The following FOXP1 variants were observed in gnomAD, a reference collection of about 807,000 sequenced individuals.
FOXP1 encodes forkhead box P1.
Under a neutral mutation model 98.2 loss-of-function variants are expected in FOXP1, and 15 were observed. The ratio of observed to expected loss-of-function variants is 0.15; its 90% CI spans 0.10 to 0.24. The LOEUF (loss-of-function observed/expected upper bound fraction) is 0.24. FOXP1 is among the 10% of genes least tolerant of loss of function. The pLI, the probability that FOXP1 is intolerant of heterozygous loss-of-function variation, is 1.00. For synonymous variants in FOXP1, 371 were observed against 314.5 expected (o/e 1.18, Z -1.90); for missense variants, 633 against 848.5 (o/e 0.75, Z 3.15).
rs374605605 is a variant in FOXP1 at position 71,445,047 on chromosome 3, GC to G, written c.-168+48378del. Among the ~76,000 whole-genome samples, 162 of 152,278 alleles carry G rather than the reference GC, an allele frequency of 1.1e-3. 3 individuals are homozygous for G. The East Asian group carries it at 0.018, about 17-fold the overall frequency. ...ATCTTTCATTTCAATAACAGCAATA[GC>G]AAGTACTTCTGGAGTGCAGACCACG... On this transcript the variant is annotated intron_variant, in intron 3 of 20. Coordinates refer to ENST00000649528, the MANE Select transcript of FOXP1 (RefSeq NM_001349338.3).
intron 7 of FOXP1, among the ~76,000 whole-genome samples, chr3:71,059,738 T>G (rs1003942558): frequency 6.6e-6 from 1 of 152,114 alleles, no homozygotes; most frequent in Non-Finnish European, 1.5e-5. Context: ...AAAAATCATG[T>G]TTAAGTGCTG....
rs571628164 is a variant in FOXP1, at chr3:71,060,512, G to A, written c.283-6739C>T. Among the ~76,000 whole-genome samples, 21 of 152,164 alleles carry A rather than the reference G, an allele frequency of 1.4e-4. No individual in the cohort carries two copies. The South Asian group carries it at 2.7e-3, about 20-fold the overall frequency. The stretch of plus-strand genomic sequence containing the variant: ...GCAAATGGGAAACCCGTGCAGACCC[G>A]CCTCATGAAGTGGTGTGACAATTAG... On this transcript the variant is annotated intron_variant, in intron 7 of 20. Coordinates refer to ENST00000649528, the MANE Select transcript of FOXP1 (RefSeq NM_001349338.3).
At chr3:71,321,620 C>CT (rs2075395982) in intron 4 of FOXP1, among the ~76,000 whole-genome samples, 1 of 151,398 alleles carries the variant, frequency 6.6e-6, no homozygotes, top group Admixed American at 6.6e-5. Flanking sequence ...ATTTTTCTTT[C>CT]TTTTTTCTTT....
intron 3 of FOXP1, among the ~76,000 whole-genome samples, chr3:71,480,740 A>G (rs906423691): frequency 3.9e-5 from 6 of 152,174 alleles, no homozygotes. Flanking sequence ...TGTCAAGTAG[A>G]AGAGATGGGT....
At chr3:71,088,171 T>C (rs2107579569) in intron 7 of FOXP1, among the ~76,000 whole-genome samples, 1 of 152,304 alleles carries the variant, frequency 6.6e-6, no homozygotes, top group Non-Finnish European at 1.5e-5. Context: ...GATTGGGGGC[T>C]CTTAAACTTG....
At chr3:71,564,172 G>A (rs2046742973) in intron 2 of FOXP1, among the ~76,000 whole-genome samples, 1 of 152,146 alleles carries the variant, frequency 6.6e-6, no homozygotes, top group Admixed American at 6.5e-5. Flanking sequence ...CCAAAACACA[G>A]CAATAAGGTA....
At chr3:70,984,833 C>A (rs1389295016) in intron 14 of FOXP1, among the ~76,000 whole-genome samples, 1 of 152,180 alleles carries the variant, frequency 6.6e-6, no homozygotes, top group African/African-American at 2.4e-5. Flanking sequence ...AAAACTTGGG[C>A]ACCTTCCCGA....
chr3:71,382,306 G>T (rs1442148213), intron 3 of FOXP1, among the ~76,000 whole-genome samples: 1 of 152,020 alleles, frequency 6.6e-6, no homozygotes, highest in East Asian at 1.9e-4. Flanking sequence ...AAAAAAAACA[G>T]GTCAATGAAA....
intron 6 of FOXP1, among the ~76,000 whole-genome samples, chr3:71,157,757 G>T (rs1257716596): frequency 1.3e-5 from 2 of 152,104 alleles, no homozygotes; most frequent in Non-Finnish European, 2.9e-5. Context: ...TAAGAAGCTA[G>T]TCAAGGTGCC....
chr3:71,392,793 T>A (rs1198597597), intron 3 of FOXP1, among the ~76,000 whole-genome samples: 4 of 152,294 alleles, frequency 2.6e-5, no homozygotes, highest in Admixed American at 1.3e-4. Flanking sequence ...CACGCTAACC[T>A]AAGTGGTATT....
intron 3 of FOXP1, among the ~76,000 whole-genome samples, chr3:71,384,488 A>T (rs2080420060): frequency 6.6e-6 from 1 of 152,218 alleles, no homozygotes; most frequent in South Asian, 2.1e-4. Flanking sequence ...ACAGGGTATA[A>T]GATAAAAGTT....
At chr3:71,195,998 A>G (rs1254716575) in intron 6 of FOXP1, among the ~76,000 whole-genome samples, 1 of 152,182 alleles carries the variant, frequency 6.6e-6, no homozygotes, top group Non-Finnish European at 1.5e-5. Flanking sequence ...TAAAAGCCTT[A>G]TCATATACTT....
chr3:71,582,050 C>T (rs552811651), intron 1 of FOXP1: 634 of 981,920 alleles, frequency 6.5e-4, no homozygotes, highest in Non-Finnish European at 7.4e-4. Flanking sequence ...AGTCCTTATT[C>T]TCACAGGGGG....
At chr3:71,066,950 TAGAG>T (rs1216865041) in intron 7 of FOXP1, among the ~76,000 whole-genome samples, 3 of 152,038 alleles carry the variant, frequency 2.0e-5, no homozygotes, top group Non-Finnish European at 4.4e-5. Flanking sequence ...ACAAAATAAT[TAGAG>T]AGTGATGCAA....
At chr3:71,115,150 G>C (rs1448204330) in intron 6 of FOXP1, among the ~76,000 whole-genome samples, 1 of 151,998 alleles carries the variant, frequency 6.6e-6, no homozygotes, top group Non-Finnish European at 1.5e-5. Flanking sequence ...AGGGACTATA[G>C]ATGACAGTGC....
intron 7 of FOXP1, among the ~76,000 whole-genome samples, chr3:71,069,853 T>C (rs1219345998): frequency 1.3e-5 from 2 of 152,268 alleles, no homozygotes; most frequent in African/African-American, 4.8e-5. Flanking sequence ...TAAAGGCAAC[T>C]GACCACCTTT....
chr3:71,427,971 C>G (rs1289484159), intron 3 of FOXP1, among the ~76,000 whole-genome samples: 1 of 152,160 alleles, frequency 6.6e-6, no homozygotes, highest in Non-Finnish European at 1.5e-5. Flanking sequence ...AAAAGATCAG[C>G]TCAAAACAGG....
intron 4 of FOXP1, among the ~76,000 whole-genome samples, chr3:71,345,424 AC>A (rs2077274324): frequency 6.6e-6 from 1 of 151,624 alleles, no homozygotes; most frequent in Non-Finnish European, 1.5e-5. Flanking sequence ...ACACACACAC[AC>A]ACACACACAC....
intron 13 of FOXP1, among the ~76,000 whole-genome samples, chr3:70,989,575 CATT>C (rs1040740430): frequency 6.7e-6 from 1 of 149,732 alleles, no homozygotes; most frequent in South Asian, 2.3e-4. Context: ...ATTTTTCTGC[CATT>C]ATTATTATTT....
Sources: allele counts gnomAD v4.1 joint callset (sites outside exome capture counted in the v4.1 genomes callset), GRCh38; gene constraint gnomAD v4.1.1; transcripts MANE v1.5; gene names NCBI Gene and HGNC (gene_info 2026-07-23, HGNC 2026-07-21).